HRH1: variants seen among roughly 807,000 people sequenced by gnomAD.
The protein encoded by HRH1 is histamine H1 receptor.
HRH1 carries 6 observed loss-of-function variants against 10.3 expected under a neutral mutation model. The ratio of observed to expected loss-of-function variants is 0.58; its 90% CI spans 0.32 to 1.15. The LOEUF is 1.15. Among genes scored for constraint, HRH1 ranks in the 50% most tolerant of loss-of-function variants. HRH1 has a pLI of 0.05. For missense variants in HRH1, 514 were observed against 615.3 expected (o/e 0.84, Z 1.74); for synonymous variants, 242 against 236.7 (o/e 1.02, Z -0.21).
intron 1 of HRH1, among the ~76,000 whole-genome samples, chr3:11,148,076 A>C (rs918747133): frequency 6.6e-6 from 1 of 151,352 alleles, no homozygotes; most frequent in Admixed American, 6.6e-5. Flanking sequence ...GCTACTCAAG[A>C]GGCTGAGGCA....
At chr3:11,176,908 C>T (rs1169736541) in intron 1 of HRH1, among the ~76,000 whole-genome samples, 3 of 152,054 alleles carry the variant, frequency 2.0e-5, no homozygotes, top group Non-Finnish European at 4.4e-5. Context: ...GCCTGGCCAA[C>T]ATGATGAAAC....
chr3:11,203,375 A>G (rs1938003716), intron 1 of HRH1, among the ~76,000 whole-genome samples: 1 of 152,148 alleles, frequency 6.6e-6, no homozygotes, highest in Non-Finnish European at 1.5e-5. Context: ...TGGCTTCTCA[A>G]TTAATTATTT....
chr3:11,195,723 A>ACAAAGCC (rs1254883730), intron 1 of HRH1, among the ~76,000 whole-genome samples: 5 of 152,194 alleles, frequency 3.3e-5, no homozygotes, highest in Non-Finnish European at 7.3e-5. Context: ...TCATAGGGAT[A>ACAAAGCC]CAAAGCCGTC....
chr3:11,241,551 A>C (rs1394772688), intron 1 of HRH1, among the ~76,000 whole-genome samples: 1 of 152,038 alleles, frequency 6.6e-6, no homozygotes, highest in Non-Finnish European at 1.5e-5. Context: ...TGCACCACTC[A>C]GGCTGGGCAC....
intron 1 of HRH1, among the ~76,000 whole-genome samples, chr3:11,197,635 C>T (rs1937714412): frequency 6.6e-6 from 1 of 152,204 alleles, no homozygotes; most frequent in Admixed American, 6.5e-5. Context: ...ATTTAGTAAT[C>T]ATTTCTGGAA....
chr3:11,176,048 C>CTGTAGTCCCATGG (rs1355761464), intron 1 of HRH1, among the ~76,000 whole-genome samples: 1 of 151,870 alleles, frequency 6.6e-6, no homozygotes, highest in African/African-American at 2.4e-5. Flanking sequence ...TGGTACACAC[C>CTGTAGTCCCATGG]TGTAGTCCCA....
At chr3:11,196,943 A>C (rs1054801500) in intron 1 of HRH1, among the ~76,000 whole-genome samples, 7 of 115,016 alleles carry the variant, frequency 6.1e-5, no homozygotes, top group African/African-American at 2.1e-4. Context: ...CCCCGTCTCT[A>C]CTAAAAATAC....
At chr3:11,160,274 A>T (rs1186422195) in intron 1 of HRH1, among the ~76,000 whole-genome samples, 1 of 152,124 alleles carries the variant, frequency 6.6e-6, no homozygotes, top group Non-Finnish European at 1.5e-5. Flanking sequence ...TACCCCCAGG[A>T]TAACTAGGTT....
At chr3:11,180,555 A>C (rs1014771268) in intron 1 of HRH1, among the ~76,000 whole-genome samples, 2 of 152,284 alleles carry the variant, frequency 1.3e-5, no homozygotes, top group Middle Eastern at 3.4e-3. Flanking sequence ...GGTTCCTACA[A>C]GGCCACTGAC....
At chr3:11,161,216 G>A (rs1936915954) in intron 1 of HRH1, among the ~76,000 whole-genome samples, 1 of 152,226 alleles carries the variant, frequency 6.6e-6, no homozygotes, top group Admixed American at 6.5e-5. Context: ...TCTGTGCCAT[G>A]CTGGTTTGAT....
intron 1 of HRH1, among the ~76,000 whole-genome samples, chr3:11,146,590 G>C (rs149876371): frequency 6.6e-6 from 1 of 152,162 alleles, no homozygotes; most frequent in African/African-American, 2.4e-5. Context: ...ATGGGGGTAG[G>C]GTACAGGTCC....
rs370245155 is a variant in HRH1 at position 11,171,950 on chromosome 3, G to A, written c.-36+17396G>A. The stretch of plus-strand genomic sequence containing the variant: ...TCTCCAGAGAAAATATATTTGTGCA[G>A]GAGATTTTGTAGGTGCTACTTGGTT... On this transcript the variant is annotated intron_variant, in intron 1 of 1. Coordinates refer to ENST00000431010, the MANE Select transcript of HRH1 (RefSeq NM_001098212.2). Among the ~76,000 whole-genome samples, 32 of 152,332 alleles carry A rather than the reference G, an allele frequency of 2.1e-4. No individual in the cohort carries two copies. In the East Asian group the frequency reaches 5.6e-3, roughly 27 times the overall value.
upstream of HRH1, among the ~76,000 whole-genome samples, chr3:11,151,117 A>G (rs1936607599): frequency 6.6e-6 from 1 of 152,206 alleles, no homozygotes; most frequent in African/African-American, 2.4e-5. Context: ...TTAGCCAACC[A>G]AAACAACTGT....
chr3:11,223,801 C>A (rs1938792665), intron 1 of HRH1, among the ~76,000 whole-genome samples: 1 of 152,170 alleles, frequency 6.6e-6, no homozygotes, highest in Admixed American at 6.5e-5. Flanking sequence ...CAGAGGAGGC[C>A]TGGAGAAGTT....
At chr3:11,156,075 C>T (rs1193703927) in intron 1 of HRH1, among the ~76,000 whole-genome samples, 1 of 152,146 alleles carries the variant, frequency 6.6e-6, no homozygotes, top group African/African-American at 2.4e-5. Flanking sequence ...TTGTGTCTGG[C>T]AGCAGCAAAG....
intron 1 of HRH1, among the ~76,000 whole-genome samples, chr3:11,179,530 G>A (rs1937312105): frequency 6.6e-6 from 1 of 151,008 alleles, no homozygotes; most frequent in Non-Finnish European, 1.5e-5. Flanking sequence ...TGAGGCAGGA[G>A]AATGGCGTGA....
chr3:11,220,626 A>G (rs1938679608), intron 1 of HRH1, among the ~76,000 whole-genome samples: 1 of 152,184 alleles, frequency 6.6e-6, no homozygotes, highest in Non-Finnish European at 1.5e-5. Flanking sequence ...AGGGAAGATC[A>G]TGCTGGTTTT....
chr3:11,249,622 G>A (rs1387150657), intron 1 of HRH1, among the ~76,000 whole-genome samples: 1 of 152,120 alleles, frequency 6.6e-6, no homozygotes, highest in Non-Finnish European at 1.5e-5. Context: ...TGGCAATTGG[G>A]AGGAGTACTC....
intron 1 of HRH1, among the ~76,000 whole-genome samples, chr3:11,171,918 G>T (rs984478928): frequency 2.0e-5 from 3 of 152,194 alleles, no homozygotes; most frequent in African/African-American, 7.2e-5. Flanking sequence ...TGTGTTCTGT[G>T]TTATGGTCTC....
Sources: gnomAD v4.1 joint callset for allele counts (sites outside exome capture counted in the v4.1 genomes callset) on GRCh38, gnomAD v4.1.1 for gene constraint, MANE v1.5 for transcripts, NCBI Gene and HGNC (gene_info 2026-07-23, HGNC 2026-07-21) for gene names.